NHLRC2: variants seen among roughly 807,000 people sequenced by gnomAD.
The protein encoded by NHLRC2 is NHL repeat-containing protein 2.
A neutral mutation model predicts 68.1 loss-of-function variants in NHLRC2; 33 were observed. The observed-to-expected ratio is 0.48, with a 90% CI of 0.37 to 0.65. The LOEUF (loss-of-function observed/expected upper bound fraction) is 0.65, where lower values mean the gene tolerates loss of function less well. NHLRC2 is among the 30% of genes least tolerant of loss of function. The probability of loss-of-function intolerance (pLI) is 0.00; values close to 1 mark genes in which losing one functional copy is unlikely to be tolerated. For missense variants in NHLRC2, 761 were observed against 853.8 expected, an observed-to-expected ratio of 0.89 and a Z score of 1.35; for synonymous variants, 311 against 309.6, an observed-to-expected ratio of 1.00 and a Z score of -0.05.
In NHLRC2 at chr10:113,912,068, AT is replaced by A. The variant is rs1478447603; in HGVS notation, c.*3535del. 6.6e-6 allele frequency: 1 copy of A among 152,166 alleles called. No individual in the cohort carries two copies. Among genetic ancestry groups the A allele is most frequent in the Non-Finnish European group, 1.5e-5 (1 of 68,016 alleles). The allele number at this position is 152,166 out of a possible 1,614,324, so 9.4% of individuals were successfully genotyped here. A position where few individuals can be genotyped will look rare whatever the true frequency, so the allele number is the denominator to read the frequency against. ...ATCTACCGGTTCTCTTAAGTACGTG[AT>A]TTCGTGAAGATAGCAATGGTTATGG... is the stretch of plus-strand genomic sequence containing the variant. On this transcript the variant is annotated 3_prime_UTR_variant, in exon 11 of 11. Coordinates refer to ENST00000369301, the MANE Select transcript of NHLRC2 (RefSeq NM_198514.4).
At chr10:113,880,624 TATA>T (rs1344040209) in intron 4 of NHLRC2, among the ~76,000 whole-genome samples, 1 of 151,916 alleles carries the variant, frequency 6.6e-6, no homozygotes, top group Non-Finnish European at 1.5e-5. Context: ...TATTTTCACT[TATA>T]TACACATAGT....
intron 2 of NHLRC2, among the ~76,000 whole-genome samples, chr10:113,865,238 C>T (rs1386387315): frequency 2.4e-4 from 36 of 151,824 alleles, no homozygotes; most frequent in East Asian, 3.9e-4. Context: ...TGTGAGCCAC[C>T]GCGCCCGGCC....
At chr10:113,895,254 T>A (rs1846166556) in intron 5 of NHLRC2, among the ~76,000 whole-genome samples, 1 of 152,102 alleles carries the variant, frequency 6.6e-6, no homozygotes, top group Non-Finnish European at 1.5e-5. Flanking sequence ...TAGGGGAAAG[T>A]TTACTCATTC....
In NHLRC2 at chr10:113,902,480, G is replaced by T; in HGVS notation, c.1381G>T (p.Ala461Ser). ...TTAAAAAAAATTAAAGAATTTATTTGCTTTTGGTGATGTTGATGGAGTAGG... is the reference window on the plus strand; with the variant it reads ...TTAAAAAAAATTAAAGAATTTATTTTCTTTTGGTGATGTTGATGGAGTAGG... ...GGERDPMNLF[A>S]FGDVDGVGIN... is the part of the protein sequence containing the mutation. The change falls in exon 8 of 11, where the codon GCT becomes TCT. Residue 461 changes from alanine to serine, a missense_variant. Coordinates refer to ENST00000369301, the MANE Select transcript of NHLRC2 (RefSeq NM_198514.4). 1 of 1,558,164 alleles carries T rather than the reference G, an allele frequency of 6.4e-7. No individual in the cohort carries two copies.
At chr10:113,872,089 C>T (rs1475265279) in intron 2 of NHLRC2, among the ~76,000 whole-genome samples, 15 of 152,040 alleles carry the variant, frequency 9.9e-5, no homozygotes, top group Non-Finnish European at 2.1e-4. Flanking sequence ...CAGGTTTGGA[C>T]ATACTAGACC....
At chr10:113,870,009 T>TAAG in intron 2 of NHLRC2, among the ~76,000 whole-genome samples, 1 of 152,302 alleles carries the variant, frequency 6.6e-6, no homozygotes, top group South Asian at 2.1e-4. Flanking sequence ...TAAGGAGCTT[T>TAAG]GATCCCTTTT....
In NHLRC2 at chr10:113,858,567, A is replaced by G; in HGVS notation, c.218A>G (p.Tyr73Cys). The change falls in exon 2 of 11, where the codon TAC (tyrosine) becomes TGC (cysteine). Residue 73 changes from tyrosine to cysteine, a missense_variant. Tyr to Cys is a radical substitution (Grantham distance 194). Transcript: ENST00000369301. ...AACACAGAAGAACCTATTTCTGTCT[A>G]CAAGGATCTATGTGGAAAAATAGTC... is the stretch of plus-strand genomic sequence containing the variant. The part of the protein sequence containing the change: ...WLNTEEPISV[Y>C]KDLCGKIVVL... The G allele has an allele frequency of 6.2e-7, 1 of 1,609,672 alleles. No homozygotes were observed. The highest frequency in any genetic ancestry group is 2.2e-5 in the East Asian group (1 of 44,840).
chr10:113,889,896 CG>C, intron 5 of NHLRC2, among the ~76,000 whole-genome samples: 1 of 152,216 alleles, frequency 6.6e-6, no homozygotes, highest in South Asian at 2.1e-4. Flanking sequence ...AGTAGTAGTT[CG>C]TTGTATGGCT....
intron 1 of NHLRC2, among the ~76,000 whole-genome samples, chr10:113,856,389 T>C (rs1589532659): frequency 6.6e-6 from 1 of 152,182 alleles, no homozygotes; most frequent in East Asian, 1.9e-4. Flanking sequence ...CTACTCACCT[T>C]GAGAAGTGCT....
In NHLRC2 at chr10:113,913,741, A is replaced by T. The variant is rs1846350129; in HGVS notation, c.*5205A>T. The T allele has an allele frequency of 6.6e-6, 1 of 151,716 alleles. No individual in the cohort carries two copies. The highest frequency in any genetic ancestry group is 1.5e-5 in the Non-Finnish European group (1 of 67,970). 9.4% of individuals were successfully genotyped at this position (151,716 alleles called of 1,614,324 possible). ...TTTCATAAATAACACTGGTATGCAG[A>T]CCCCTCCCCATGACTCAAATATTAA... is the stretch of plus-strand genomic sequence containing the variant. On this transcript the variant is annotated 3_prime_UTR_variant, in exon 11 of 11. Coordinates refer to ENST00000369301, the MANE Select transcript of NHLRC2 (RefSeq NM_198514.4).
chr10:113,874,443 TG>T (rs1845960060), intron 2 of NHLRC2, among the ~76,000 whole-genome samples: 5 of 412 alleles, frequency 0.012, no homozygotes, highest in Non-Finnish European at 0.026. Context: ...GGCATGTGTT[TG>T]TGTGTGTGTG....
At chr10:113,902,859 A>G (rs1846240521) in intron 8 of NHLRC2, among the ~76,000 whole-genome samples, 1 of 152,272 alleles carries the variant, frequency 6.6e-6, no homozygotes, top group South Asian at 2.1e-4. Flanking sequence ...AAAGCTGCTT[A>G]GTAACATATT....
intron 10 of NHLRC2, among the ~76,000 whole-genome samples, chr10:113,906,539 CAAA>C (rs552924833): frequency 1.5e-5 from 2 of 134,444 alleles, no homozygotes. Context: ...AGTTTTAAGC[CAAA>C]AAAAAAAAGG....
At chr10:113,858,901 T>C in intron 2 of NHLRC2, 1 of 368,898 alleles carries the variant, frequency 2.7e-6, no homozygotes, top group Non-Finnish European at 4.8e-6. Flanking sequence ...TAGTATATGG[T>C]TTTTCTCTGC....
chr10:113,876,892 A>G lies in NHLRC2; in HGVS notation c.703A>G (p.Thr235Ala), dbSNP rs764031934. The G allele has an allele frequency of 6.2e-7, 1 of 1,613,200 alleles. No homozygotes were observed. Among genetic ancestry groups the G allele is most frequent in the South Asian group, 1.1e-5 (1 of 91,016 alleles). Residue 235 changes from threonine to alanine, a missense_variant, in exon 3 of 11, where the codon ACT (threonine) becomes GCT (alanine). Thr to Ala is a moderately conservative substitution (Grantham distance 58, BLOSUM62 0). Transcript: ENST00000369301. ...FPGKVTVDQV[T>A]DRLVIADTGH... is the part of the protein sequence containing the mutation. The stretch of plus-strand genomic sequence containing the variant: ...TGGCAAAGTAACAGTAGACCAAGTT[A>G]CTGATAGATTGGTAATAGCAGACAC...
chr10:113,854,936 G>A lies in NHLRC2; in HGVS notation c.64G>A (p.Glu22Lys). 6.4e-7 allele frequency: 1 copy of A among 1,554,906 alleles called. No individual in the cohort carries two copies. Among genetic ancestry groups the A allele is most frequent in the Non-Finnish European group, 8.7e-7 (1 of 1,148,822 alleles). ...CCTGCTCCCCGCGCAGACCTCGCTA[G>A]AGTACGCCCTGCTCGACGCCGTTAC... The part of the protein sequence containing the change: ...SGLLPAQTSL[E>K]YALLDAVTQQ... Residue 22 changes from glutamate to lysine, a missense_variant, in exon 1 of 11, where the codon GAG (glutamate) becomes AAG (lysine). By Grantham distance (56) the Glu-to-Lys change is moderately conservative (BLOSUM62 1). Coordinates refer to ENST00000369301, the MANE Select transcript of NHLRC2 (RefSeq NM_198514.4).
intron 8 of NHLRC2, among the ~76,000 whole-genome samples, chr10:113,903,157 C>CA (rs1479468709): frequency 6.6e-6 from 1 of 152,038 alleles, no homozygotes; most frequent in Non-Finnish European, 1.5e-5. Context: ...AATTCTCAGG[C>CA]AATGCTAGAT....
At position 113,879,563 on chromosome 10, in the gene NHLRC2, T is replaced by A; in HGVS notation, c.788-11T>A. The A allele has an allele frequency of 6.3e-7, 1 of 1,592,366 alleles. No individual in the cohort carries two copies. On this transcript the variant is annotated splice_polypyrimidine_tract_variant and intron_variant, in intron 3 of 10. Transcript: ENST00000369301. Reference sequence around the variant, plus strand: ...ATCACTTCTTAAGTGGCAAATTTTATCTTATTTTAGGACCCAACCCTGGAA... The same window carrying A: ...ATCACTTCTTAAGTGGCAAATTTTAACTTATTTTAGGACCCAACCCTGGAA...
At chr10:113,903,472 C>A in intron 8 of NHLRC2, 55 bp from the exon 9 acceptor site, 1 of 1,109,450 alleles carries the variant, frequency 9.0e-7, no homozygotes, top group Non-Finnish European at 1.4e-6. Flanking sequence ...CTCTTCCATA[C>A]AACAAACATG....
Sources: allele counts gnomAD v4.1 joint callset (sites outside exome capture counted in the v4.1 genomes callset), GRCh38; gene constraint gnomAD v4.1.1; transcripts MANE v1.5; gene names NCBI Gene and HGNC (gene_info 2026-07-23, HGNC 2026-07-21).